The following CBR4 variants were observed in gnomAD, a reference collection of about 807,000 sequenced individuals.
CBR4 encodes carbonyl reductase 4, also known as 3-oxoacyl-[acyl-carrier-protein] reductase.
In CBR4, 22 loss-of-function variants were observed where a neutral mutation model predicts 21.0. The ratio of observed to expected loss-of-function variants is 1.05; its 90% CI spans 0.75 to 1.50. CBR4 has a LOEUF of 1.50. Ranked by LOEUF, CBR4 falls within the 40% of genes most tolerant of loss-of-function variation. The pLI is 0.00. For synonymous variants in CBR4, 100 were observed against 104.4 expected (o/e 0.96, Z 0.26); for missense variants, 302 against 286.3 (o/e 1.05, Z -0.40).
chr4:168,980,667 T>C (rs974592241), intron 2 of CBR4, among the ~76,000 whole-genome samples: 16 of 152,130 alleles, frequency 1.1e-4, no homozygotes, highest in African/African-American at 2.9e-4. Flanking sequence ...ACCTGGAAGA[T>C]GGAGGTTGTG....
At chr4:168,921,270 A>T (rs2126482934) in intron 2 of CBR4, among the ~76,000 whole-genome samples, 1 of 151,844 alleles carries the variant, frequency 6.6e-6, no homozygotes, top group South Asian at 2.1e-4. Context: ...AGGCTGGCAT[A>T]GTGGCAGGCA....
At chr4:168,901,204 C>G (rs1470417637) in intron 2 of CBR4, among the ~76,000 whole-genome samples, 10 of 152,110 alleles carry the variant, frequency 6.6e-5, no homozygotes, top group Non-Finnish European at 1.3e-4. Flanking sequence ...ATATAAATTA[C>G]ATTAGGATTG....
chr4:168,924,855 G>T, intron 2 of CBR4: 2 of 1,309,696 alleles, frequency 1.5e-6, no homozygotes, highest in Non-Finnish European at 2.2e-6. Flanking sequence ...GCACAATTCT[G>T]TTTCTAATGA....
intron 2 of CBR4, among the ~76,000 whole-genome samples, chr4:168,963,900 G>A (rs916573708): frequency 6.6e-6 from 1 of 152,128 alleles, no homozygotes; most frequent in Non-Finnish European, 1.5e-5. Context: ...AAGATTAGCT[G>A]GTTGTTCAAA....
At chr4:168,924,416 G>A in intron 2 of CBR4, 1 of 1,613,708 alleles carries the variant, frequency 6.2e-7, no homozygotes, top group Middle Eastern at 1.7e-4. Context: ...CACTGACCGA[G>A]TGAGGTAAGA....
intron 3 of CBR4, chr4:169,005,757 A>G: frequency 1.8e-6 from 1 of 567,508 alleles, no homozygotes; most frequent in South Asian, 1.7e-5. Flanking sequence ...GTAAATGTCC[A>G]AAATGCTCTC....
downstream of CBR4, among the ~76,000 whole-genome samples, chr4:168,986,181 G>A (rs114572677): frequency 4.4e-3 from 671 of 152,254 alleles, 7 homozygotes; most frequent in African/African-American, 0.015. Flanking sequence ...GATATTGTAA[G>A]TAATCTAGAG....
At chr4:168,970,023 T>C (rs1764157365) in intron 2 of CBR4, among the ~76,000 whole-genome samples, 1 of 152,248 alleles carries the variant, frequency 6.6e-6, no homozygotes, top group Admixed American at 6.5e-5. Context: ...GTTCAACACA[T>C]GCTGGCTATG....
At chr4:169,002,609 C>T (rs1033459002) in intron 3 of CBR4, among the ~76,000 whole-genome samples, 8 of 152,202 alleles carry the variant, frequency 5.3e-5, no homozygotes, top group African/African-American at 1.7e-4. Flanking sequence ...GATTCTACAA[C>T]ACAGACATAA....
intron 2 of CBR4, chr4:168,903,912 G>GA: frequency 6.2e-7 from 1 of 1,613,498 alleles, no homozygotes; most frequent in Non-Finnish European, 8.5e-7. Flanking sequence ...CTCAGGTAAA[G>GA]AAGGGTATAG....
At chr4:168,951,283 T>G (rs563086733) in intron 2 of CBR4, among the ~76,000 whole-genome samples, 21 of 152,270 alleles carry the variant, frequency 1.4e-4, no homozygotes, top group African/African-American at 4.8e-4. Flanking sequence ...GGTCTCGATC[T>G]CTTGACCTCG....
downstream of CBR4, among the ~76,000 whole-genome samples, chr4:168,986,668 G>A (rs537311274): frequency 1.6e-4 from 25 of 152,260 alleles, no homozygotes; most frequent in African/African-American, 5.8e-4. Context: ...TCCTGGCCGG[G>A]CATGGTGGCT....
intron 2 of CBR4, among the ~76,000 whole-genome samples, chr4:168,933,728 C>A (rs1489973049): frequency 6.6e-6 from 1 of 152,190 alleles, no homozygotes; most frequent in African/African-American, 2.4e-5. Flanking sequence ...TTTATCAGCA[C>A]ATGGAACATT....
chr4:169,006,811 C>T lies in CBR4; in HGVS notation c.344G>A (p.Cys115Tyr). Residue 115 changes from cysteine to tyrosine, a missense_variant, in exon 3 of 5, where the codon TGT (cysteine) becomes TAT (tyrosine). By Grantham distance (194) the Cys-to-Tyr change is radical (BLOSUM62 -2). Transcript: ENST00000306193. Reference sequence around the variant, plus strand: ...AATCATAGTCCTCATGGCAGCTTTACAGGTCAGCATGGAACCCAAGAGGTT... The same window carrying T: ...AATCATAGTCCTCATGGCAGCTTTATAGGTCAGCATGGAACCCAAGAGGTT... ...HTNLLGSMLT[C>Y]KAAMRTMIQQ... 6.2e-7 allele frequency: 1 copy of T among 1,613,794 alleles called. No homozygotes were observed. Among genetic ancestry groups the T allele is most frequent in the Non-Finnish European group, 8.5e-7 (1 of 1,179,686 alleles).
intron 2 of CBR4, chr4:168,921,432 C>T (rs1761493444): frequency 8.4e-6 from 6 of 713,842 alleles, no homozygotes; most frequent in South Asian, 5.1e-5. Flanking sequence ...AAAAAGCCAC[C>T]TCTTGTACTA....
intron 3 of CBR4, among the ~76,000 whole-genome samples, chr4:169,002,445 T>C (rs569902424): frequency 6.6e-6 from 1 of 152,212 alleles, no homozygotes; most frequent in East Asian, 1.9e-4. Flanking sequence ...AAACTGCCAA[T>C]GCAGGTGCTT....
At chr4:168,924,654 A>G (rs146386754) in intron 2 of CBR4, among the ~76,000 whole-genome samples, 32 of 152,316 alleles carry the variant, frequency 2.1e-4, no homozygotes, top group African/African-American at 7.7e-4. Context: ...TTATCATTCT[A>G]TCTAAAAGAA....
chr4:168,983,232 A>C (rs763611164), downstream of CBR4, among the ~76,000 whole-genome samples: 5 of 152,160 alleles, frequency 3.3e-5, no homozygotes, highest in Admixed American at 2.6e-4. Context: ...GACAAAGGGG[A>C]CATTACCACC....
intron 2 of CBR4, among the ~76,000 whole-genome samples, chr4:168,964,024 T>C (rs185879074): frequency 1.5e-4 from 23 of 152,218 alleles, no homozygotes; most frequent in African/African-American, 3.4e-4. Context: ...ACAGGAAATA[T>C]AGATCATCAG....
Sources: gnomAD v4.1 joint callset for allele counts (sites outside exome capture counted in the v4.1 genomes callset) on GRCh38, gnomAD v4.1.1 for gene constraint, MANE v1.5 for transcripts, NCBI Gene and HGNC (gene_info 2026-07-23, HGNC 2026-07-21) for gene names.